The following CEP85L variants were observed in gnomAD, a reference collection of about 807,000 sequenced individuals.
The protein encoded by CEP85L is centrosomal protein of 85 kDa-like.
Under a neutral mutation model 100.3 loss-of-function variants are expected in CEP85L, and 60 were observed. The observed-to-expected ratio is 0.60, with a 90% confidence interval of 0.49 to 0.74. The LOEUF (loss-of-function observed/expected upper bound fraction) is 0.74, where lower values mean the gene tolerates loss of function less well. Among genes scored for constraint, CEP85L ranks in the 30% least tolerant of loss-of-function variants. The probability of loss-of-function intolerance (pLI) is 0.00; values close to 1 mark genes in which losing one functional copy is unlikely to be tolerated. For synonymous variants in CEP85L, 319 were observed against 322.7 expected (o/e 0.99, Z 0.12); for missense variants, 973 against 936.2 (o/e 1.04, Z -0.51).
chr6:118,507,512 A>AC (rs1206727591), intron 5 of CEP85L, among the ~76,000 whole-genome samples: 2 of 152,280 alleles, frequency 1.3e-5, no homozygotes, highest in East Asian at 1.9e-4. Flanking sequence ...ATTTATAAGC[A>AC]CAGCAGGCAT....
chr6:118,466,300 A>AT (rs1275694490), intron 12 of CEP85L, among the ~76,000 whole-genome samples: 1 of 152,234 alleles, frequency 6.6e-6, no homozygotes, highest in Non-Finnish European at 1.5e-5. Context: ...TATTGTAGGC[A>AT]TAAGAGTCAG....
chr6:118,633,141 A>T (rs1024566654), intron 1 of CEP85L, among the ~76,000 whole-genome samples: 1 of 151,132 alleles, frequency 6.6e-6, no homozygotes, highest in Non-Finnish European at 1.5e-5. Flanking sequence ...TATTTGAATT[A>T]TTTCCTTAAT....
upstream of CEP85L, among the ~76,000 whole-genome samples, chr6:118,654,617 A>G (rs1936058): frequency 0.11 from 16,644 of 152,176 alleles, 1,137 homozygotes; most frequent in African/African-American, 0.18. Context: ...AAAATCATTT[A>G]TAATTTAAAA....
intron 10 of CEP85L, among the ~76,000 whole-genome samples, chr6:118,475,286 T>C (rs1286827447): frequency 1.3e-5 from 2 of 151,826 alleles, no homozygotes; most frequent in Non-Finnish European, 2.9e-5. Flanking sequence ...CACTTATCTG[T>C]GAATATATTA....
chr6:118,560,607 G>T (rs183568546), intron 3 of CEP85L: 320 of 167,032 alleles, frequency 1.9e-3, no homozygotes, highest in Non-Finnish European at 3.4e-3. Flanking sequence ...AACTGTAATA[G>T]GATATAGCTA....
chr6:118,590,417 C>G (rs146990756), intron 2 of CEP85L, among the ~76,000 whole-genome samples: 236 of 152,308 alleles, frequency 1.5e-3, no homozygotes, highest in African/African-American at 5.3e-3. Context: ...CCTGCCTCAA[C>G]TTCTTGTCAC....
chr6:118,482,252 A>G (rs1374099548), intron 7 of CEP85L, among the ~76,000 whole-genome samples: 2 of 152,154 alleles, frequency 1.3e-5, no homozygotes, highest in South Asian at 4.1e-4. Context: ...ACAATTTCCA[A>G]GTGTATGACA....
chr6:118,692,711 T>C (rs1159566700), intron 1 of CEP85L, among the ~76,000 whole-genome samples: 1 of 65,510 alleles, frequency 1.5e-5, no homozygotes, highest in Non-Finnish European at 3.8e-5. Context: ...CCACCACACT[T>C]TCAGACTTGG....
At chr6:118,650,282 C>T (rs561683789) in intron 1 of CEP85L, among the ~76,000 whole-genome samples, 1 of 152,258 alleles carries the variant, frequency 6.6e-6, no homozygotes, top group South Asian at 2.1e-4. Flanking sequence ...GGCCTCAAAA[C>T]TCAAGATTAA....
At chr6:118,523,413 C>T (rs979349803) in intron 4 of CEP85L, among the ~76,000 whole-genome samples, 1 of 152,180 alleles carries the variant, frequency 6.6e-6, no homozygotes, top group Non-Finnish European at 1.5e-5. Flanking sequence ...TCAGACCTAG[C>T]ATACATTAAA....
At chr6:118,489,975 GTATA>G (rs577769762) in intron 6 of CEP85L, among the ~76,000 whole-genome samples, 4 of 150,360 alleles carry the variant, frequency 2.7e-5, no homozygotes, top group East Asian at 3.9e-4. Context: ...ATACGTGTGT[GTATA>G]TATATACACA....
chr6:118,498,878 C>T (rs1219689940), intron 5 of CEP85L, among the ~76,000 whole-genome samples: 1 of 152,088 alleles, frequency 6.6e-6, no homozygotes, highest in Non-Finnish European at 1.5e-5. Context: ...TAAGATACAC[C>T]TTAAAAAGAT....
intron 3 of CEP85L, among the ~76,000 whole-genome samples, chr6:118,532,046 A>G (rs946453636): frequency 7.2e-5 from 11 of 152,198 alleles, no homozygotes; most frequent in African/African-American, 2.7e-4. Flanking sequence ...AGACACATGC[A>G]CAACATGTTC....
At chr6:118,592,967 G>GA (rs907848085) in intron 2 of CEP85L, among the ~76,000 whole-genome samples, 8 of 146,198 alleles carry the variant, frequency 5.5e-5, no homozygotes, top group Non-Finnish European at 6.1e-5. Context: ...AAATTTTATG[G>GA]AAAAAAAAGA....
chr6:118,672,110 C>T (rs755574041), intron 1 of CEP85L, among the ~76,000 whole-genome samples: 1 of 152,178 alleles, frequency 6.6e-6, no homozygotes, highest in East Asian at 1.9e-4. Context: ...GATCTCAGCT[C>T]ACTGCAACCT....
intron 12 of CEP85L, among the ~76,000 whole-genome samples, chr6:118,466,004 T>C (rs747143831): frequency 2.0e-5 from 3 of 151,876 alleles, no homozygotes; most frequent in Admixed American, 1.3e-4. Context: ...TTCAAATACA[T>C]AGTAAGTGTC....
intron 1 of CEP85L, among the ~76,000 whole-genome samples, chr6:118,689,055 A>G (rs945874388): frequency 6.6e-6 from 1 of 152,160 alleles, no homozygotes; most frequent in African/African-American, 2.4e-5. Flanking sequence ...TTCAGCAGAG[A>G]CTTGAATAAC....
intron 2 of CEP85L, among the ~76,000 whole-genome samples, chr6:118,608,584 T>A (rs973648344): frequency 1.3e-5 from 2 of 152,174 alleles, no homozygotes; most frequent in African/African-American, 4.8e-5. Flanking sequence ...AATCAAAAGC[T>A]CTTTATTCCA....
At chr6:118,611,052 A>G (rs1264035636) in intron 2 of CEP85L, among the ~76,000 whole-genome samples, 3 of 152,190 alleles carry the variant, frequency 2.0e-5, no homozygotes, top group Non-Finnish European at 4.4e-5. Context: ...GAAAGGAAGC[A>G]ATAAAAAAAG....
Sources: gnomAD v4.1 joint callset for allele counts (sites outside exome capture counted in the v4.1 genomes callset) on GRCh38, gnomAD v4.1.1 for gene constraint, MANE v1.5 for transcripts, NCBI Gene and HGNC (gene_info 2026-07-23, HGNC 2026-07-21) for gene names.